TUB: variants seen among roughly 807,000 people sequenced by gnomAD.
TUB encodes the protein tubby protein homolog.
A neutral mutation model predicts 59.7 loss-of-function variants in TUB; 33 were observed. The ratio of observed to expected loss-of-function variants is 0.55; its 90% CI spans 0.42 to 0.74. The LOEUF (loss-of-function observed/expected upper bound fraction) is 0.74. Ranked by LOEUF, TUB falls within the 30% of genes least tolerant of loss-of-function variation. The pLI is 0.00. For synonymous variants in TUB, 293 were observed against 256.4 expected (o/e 1.14, Z -1.36); for missense variants, 659 against 672.0 (o/e 0.98, Z 0.21).
chr11:8,097,869 G>A (rs1225823994), intron 8 of TUB, 43 bp downstream of exon 8: 2 of 1,490,324 alleles, frequency 1.3e-6, no homozygotes, highest in Non-Finnish European at 1.9e-6. Context: ...TGGGAGGGAG[G>A]GGCAGGGGCA....
intron 1 of TUB, among the ~76,000 whole-genome samples, chr11:8,082,400 C>CCCTGG (rs1943586429): frequency 6.6e-6 from 1 of 152,142 alleles, no homozygotes; most frequent in South Asian, 2.1e-4. Context: ...GGGCCCCTCA[C>CCCTGG]AGGTGCAGGT....
At chr11:8,084,145 G>T (rs926323025) in intron 1 of TUB, among the ~76,000 whole-genome samples, 2 of 152,130 alleles carry the variant, frequency 1.3e-5, no homozygotes, top group African/African-American at 2.4e-5. Flanking sequence ...GGGAGAGAGG[G>T]GTTGGCTGGC....
chr11:8,101,754 C>T lies in TUB; in HGVS notation c.*135C>T. On this transcript the variant is annotated 3_prime_UTR_variant, in exon 12 of 12. Coordinates refer to ENST00000299506, the MANE Select transcript of TUB (RefSeq NM_177972.3). ...CTTTGGCCCTCAGTGGGCTCCCTGG[C>T]CCAGCCAGCCAGGAACTGGCTCCTT... 1 of 1,431,382 alleles carries T rather than the reference C, an allele frequency of 7.0e-7. No homozygotes were observed. Among genetic ancestry groups the T allele is most frequent in the Non-Finnish European group, 9.2e-7 (1 of 1,088,206 alleles). 88.7% of individuals were successfully genotyped at this position (1,431,382 alleles called of 1,614,324 possible).
intron 5 of TUB, 127 bp downstream of exon 5, chr11:8,095,792 C>A: frequency 9.4e-7 from 1 of 1,065,568 alleles, no homozygotes; most frequent in African/African-American, 1.6e-5. Flanking sequence ...GAGGGTGGGG[C>A]ACACTTCGGA....
chr11:8,023,031 G>A (rs1942452437), intron 1 of TUB, among the ~76,000 whole-genome samples: 1 of 152,236 alleles, frequency 6.6e-6, no homozygotes, highest in South Asian at 2.1e-4. Context: ...TGTGGTCTGG[G>A]CCAGGCTCAG....
Position 8,026,426 on chromosome 11 carries a change from C to T in TUB, c.56+7068C>T, listed in dbSNP as rs1589918652. On this transcript the variant is annotated intron_variant, in intron 1 of 11. Transcript: ENST00000534099. ...CTAATTTTACATTTTAAATTTAGAT[C>T]TTTGCTACATTTTGAGTTAACTTTT... Among the ~76,000 whole-genome samples the T allele has an allele frequency of 2.0e-5, 3 of 149,446 alleles. No individual in the cohort carries two copies. In the East Asian group the frequency reaches 5.9e-4, roughly 29 times the overall value.
chr11:8,101,638 T>C lies in TUB; in HGVS notation c.*19T>C. 1.2e-6 allele frequency: 2 copies of C among 1,613,554 alleles called. No homozygotes were observed. The highest frequency in any genetic ancestry group is 1.3e-5 in the African/African-American group (1 of 75,042). On this transcript the variant is annotated 3_prime_UTR_variant, in exon 12 of 12. Coordinates refer to ENST00000299506, the MANE Select transcript of TUB (RefSeq NM_177972.3). ...CGAGTAGAGGCCTCTTCGTGCCCTT[T>C]GGGGTTGCCCAGCCTGGAGCGGAGC...
chr11:8,047,363 A>G (rs979278861), intron 2 of TUB, among the ~76,000 whole-genome samples: 1 of 152,162 alleles, frequency 6.6e-6, no homozygotes, highest in Non-Finnish European at 1.5e-5. Flanking sequence ...ATTTATATCA[A>G]TCATGATTCC....
chr11:8,077,962 A>G (rs144249809), upstream of TUB, among the ~76,000 whole-genome samples: 5 of 152,338 alleles, frequency 3.3e-5, no homozygotes, highest in Admixed American at 6.5e-5. Context: ...ACAGGGCCCA[A>G]TTTGAATGGA....
At chr11:8,082,267 C>G (rs1196129546) in intron 1 of TUB, among the ~76,000 whole-genome samples, 1 of 152,224 alleles carries the variant, frequency 6.6e-6, no homozygotes, top group African/African-American at 2.4e-5. Flanking sequence ...CAGAAAGGCA[C>G]TCAAGAATCC....
intron 3 of TUB, among the ~76,000 whole-genome samples, chr11:8,092,522 CTCTG>C (rs1195590893): frequency 6.6e-6 from 1 of 152,198 alleles, no homozygotes; most frequent in Admixed American, 6.5e-5. Flanking sequence ...GGGGAAACTT[CTCTG>C]TCTTAGGGCT....
At chr11:8,089,783 T>G in intron 2 of TUB, 122 bp downstream of exon 2, 1 of 1,354,092 alleles carries the variant, frequency 7.4e-7, no homozygotes, top group South Asian at 1.2e-5. Flanking sequence ...GATTCCCATG[T>G]GGAAGAAGAG....
At chr11:8,048,647 CCTCCCAACTTGGCCTCCTAAAGTG>C (rs1942877724) in intron 2 of TUB, among the ~76,000 whole-genome samples, 1 of 152,142 alleles carries the variant, frequency 6.6e-6, no homozygotes, top group African/African-American at 2.4e-5. Context: ...CTCAAGCAAT[CCTCCCAACTTGGCCTCCTAAAGTG>C]CTGGGATTAC....
chr11:8,105,642 G>A lies in TUB; in HGVS notation c.*4023G>A, dbSNP rs541085007. 1 of 152,224 alleles carries A rather than the reference G, an allele frequency of 6.6e-6. No homozygotes were observed. Among genetic ancestry groups the A allele is most frequent in the East Asian group, 1.9e-4 (1 of 5,188 alleles). 9.4% of individuals were successfully genotyped at this position (152,224 alleles called of 1,614,324 possible). ...AAGATAAAGATGTTACATTGTCAAA[G>A]CTTGCCGTAGGATTTGGGGTGAATG... On this transcript the variant is annotated 3_prime_UTR_variant, in exon 12 of 12. Coordinates refer to ENST00000299506, the MANE Select transcript of TUB (RefSeq NM_177972.3).
At chr11:8,021,772 T>C (rs1942431291) in intron 1 of TUB, among the ~76,000 whole-genome samples, 1 of 151,678 alleles carries the variant, frequency 6.6e-6, no homozygotes, top group Non-Finnish European at 1.5e-5. Flanking sequence ...AAAAATTAGC[T>C]GGGCGTGGTG....
chr11:8,046,369 T>G (rs777250195), intron 2 of TUB, among the ~76,000 whole-genome samples: 2 of 152,150 alleles, frequency 1.3e-5, no homozygotes, highest in African/African-American at 2.4e-5. Context: ...GGCTCACCAT[T>G]TTAAGTGCTT....
rs115128377 is a variant in TUB at position 8,031,824 on chromosome 11, G to A, written c.56+12466G>A. On this transcript the variant is annotated intron_variant, in intron 1 of 11. Transcript: ENST00000534099. ...GCTTGGGGGCCACAGGGCCAGTCTCGCAGGGCAGGGGTCGATTCCAGTCTG... is the reference window on the plus strand; with the variant it reads ...GCTTGGGGGCCACAGGGCCAGTCTCACAGGGCAGGGGTCGATTCCAGTCTG... Among the ~76,000 whole-genome samples, 1,088 of 152,318 alleles carry A rather than the reference G, an allele frequency of 7.1e-3. 9 individuals are homozygous for A. Among genetic ancestry groups the A allele is most frequent in the African/African-American group, 0.023 (948 of 41,580 alleles).
At chr11:8,026,695 G>A (rs558859844) in intron 1 of TUB, among the ~76,000 whole-genome samples, 79 of 152,214 alleles carry the variant, frequency 5.2e-4, no homozygotes, top group Non-Finnish European at 9.6e-4. Context: ...TTTCAGCCTT[G>A]TCTTTCTTTT....
chr11:8,087,237 T>TA (rs1183950915), intron 1 of TUB, among the ~76,000 whole-genome samples: 1 of 152,234 alleles, frequency 6.6e-6, no homozygotes, highest in Non-Finnish European at 1.5e-5. Flanking sequence ...ATGTGAGTCT[T>TA]ACCTCTCAGC....
Sources: allele counts gnomAD v4.1 joint callset (sites outside exome capture counted in the v4.1 genomes callset), GRCh38; gene constraint gnomAD v4.1.1; transcripts MANE v1.5; gene names NCBI Gene and HGNC (gene_info 2026-07-23, HGNC 2026-07-21).